The following PLD5 variants were observed in gnomAD, a reference collection of about 807,000 sequenced individuals.
PLD5 encodes phospholipase D family member 5.
In PLD5, 36 loss-of-function variants were observed where a neutral mutation model predicts 61.1. The observed-to-expected ratio is 0.59, with a 90% CI of 0.45 to 0.78. The LOEUF is 0.78. Ranked by LOEUF, PLD5 falls within the 30% of genes least tolerant of loss-of-function variation. The pLI, the probability that PLD5 is intolerant of heterozygous loss-of-function variation, is 0.00. For missense variants in PLD5, 515 were observed against 644.4 expected (o/e 0.80, Z 2.17); for synonymous variants, 243 against 242.8 (o/e 1.00, Z -0.01).
intron 1 of PLD5, among the ~76,000 whole-genome samples, chr1:242,488,125 G>A (rs1668025590): frequency 6.6e-6 from 1 of 152,146 alleles, no homozygotes; most frequent in Non-Finnish European, 1.5e-5. Context: ...TAGTGGGAAT[G>A]CAAAATGGTA....
intron 1 of PLD5, among the ~76,000 whole-genome samples, chr1:242,489,708 G>A (rs181099479): frequency 5.9e-5 from 9 of 152,322 alleles, no homozygotes; most frequent in Admixed American, 1.3e-4. Flanking sequence ...GGACATGGGT[G>A]AGGAATCCTC....
intron 5 of PLD5, among the ~76,000 whole-genome samples, chr1:242,194,001 A>T (rs1170551658): frequency 6.6e-6 from 1 of 152,168 alleles, no homozygotes; most frequent in East Asian, 1.9e-4. Flanking sequence ...AACAAAATAC[A>T]TCTCTTGAAT....
chr1:242,180,378 A>G (rs1667444803), intron 5 of PLD5, among the ~76,000 whole-genome samples: 1 of 152,182 alleles, frequency 6.6e-6, no homozygotes, highest in Non-Finnish European at 1.5e-5. Flanking sequence ...ATATGCATAT[A>G]TATCAATATA....
intron 4 of PLD5, among the ~76,000 whole-genome samples, chr1:242,231,190 C>G (rs1406494677): frequency 6.6e-6 from 1 of 152,180 alleles, no homozygotes; most frequent in Non-Finnish European, 1.5e-5. Flanking sequence ...AGGTTGGTAG[C>G]TGCCGGGGCA....
chr1:242,464,204 A>T (rs1226385400), intron 1 of PLD5, among the ~76,000 whole-genome samples: 2 of 152,026 alleles, frequency 1.3e-5, no homozygotes, highest in Non-Finnish European at 2.9e-5. Context: ...CCAACCTCTT[A>T]ATTTTGGAGT....
chr1:242,278,037 G>A (rs1408324131), intron 3 of PLD5, among the ~76,000 whole-genome samples: 2 of 152,196 alleles, frequency 1.3e-5, no homozygotes, highest in Non-Finnish European at 2.9e-5. Flanking sequence ...ATGAGCCTAT[G>A]TATACAAATT....
chr1:242,483,133 G>C (rs1667840918), intron 1 of PLD5, among the ~76,000 whole-genome samples: 1 of 152,132 alleles, frequency 6.6e-6, no homozygotes, highest in Admixed American at 6.6e-5. Flanking sequence ...ATCAAGGCTA[G>C]GAAGAAACTG....
At chr1:242,436,271 TC>T (rs1200411156) in intron 1 of PLD5, among the ~76,000 whole-genome samples, 4 of 152,168 alleles carry the variant, frequency 2.6e-5, no homozygotes, top group Non-Finnish European at 5.9e-5. Flanking sequence ...TTTTTCATCC[TC>T]TAATCATCTA....
chr1:242,156,177 G>A (rs1005550263), intron 5 of PLD5, among the ~76,000 whole-genome samples: 5 of 148,092 alleles, frequency 3.4e-5, no homozygotes, highest in Non-Finnish European at 5.9e-5. Context: ...TGCAACTCCT[G>A]CTCTTTTTTT....
At chr1:242,318,550 G>A (rs536228433) in intron 2 of PLD5, among the ~76,000 whole-genome samples, 10 of 152,300 alleles carry the variant, frequency 6.6e-5, no homozygotes, top group Admixed American at 3.3e-4. Flanking sequence ...GAACCATCTC[G>A]TACCTTGTGA....
chr1:242,338,562 A>C (rs1171354107), intron 2 of PLD5, among the ~76,000 whole-genome samples: 1 of 152,248 alleles, frequency 6.6e-6, no homozygotes, highest in Non-Finnish European at 1.5e-5. Flanking sequence ...CATTAAAATC[A>C]AAACTTTGAA....
At chr1:242,459,572 G>A (rs1019547215) in intron 1 of PLD5, among the ~76,000 whole-genome samples, 2 of 152,186 alleles carry the variant, frequency 1.3e-5, no homozygotes, top group Non-Finnish European at 2.9e-5. Context: ...AGGGGGAGAC[G>A]TAGGGAGACC....
At chr1:242,184,458 T>C (rs1667745994) in intron 5 of PLD5, among the ~76,000 whole-genome samples, 1 of 152,184 alleles carries the variant, frequency 6.6e-6, no homozygotes. Context: ...GATCTCCACC[T>C]GCTGGGTTCA....
At chr1:242,480,221 T>C (rs754852482) in intron 1 of PLD5, among the ~76,000 whole-genome samples, 1 of 152,188 alleles carries the variant, frequency 6.6e-6, no homozygotes, top group Non-Finnish European at 1.5e-5. Flanking sequence ...CTATGGCCAA[T>C]TGACTTTTTA....
chr1:242,152,157 G>A (rs756173671), intron 5 of PLD5, among the ~76,000 whole-genome samples: 4 of 151,940 alleles, frequency 2.6e-5, no homozygotes, highest in African/African-American at 9.7e-5. Context: ...GGGATAATCC[G>A]TTTTCTTGCC....
At chr1:242,374,083 C>G (rs371706189) in intron 1 of PLD5, among the ~76,000 whole-genome samples, 3 of 152,222 alleles carry the variant, frequency 2.0e-5, no homozygotes, top group East Asian at 3.9e-4. Flanking sequence ...TTACTACGGT[C>G]ACAAGGTGAA....
At chr1:242,194,602 C>A (rs565850356) in intron 5 of PLD5, among the ~76,000 whole-genome samples, 1 of 78,828 alleles carries the variant, frequency 1.3e-5, no homozygotes, top group Non-Finnish European at 2.4e-5. Context: ...ATCTATCTAT[C>A]TATGTATCTA....
intron 8 of PLD5, among the ~76,000 whole-genome samples, chr1:242,104,625 T>G (rs369473071): frequency 1.3e-5 from 2 of 152,194 alleles, no homozygotes; most frequent in African/African-American, 4.8e-5. Context: ...TATGCTTCAG[T>G]TCCCATGTCT....
chr1:242,288,819 A>T (rs1294115839), intron 2 of PLD5, among the ~76,000 whole-genome samples: 4 of 152,194 alleles, frequency 2.6e-5, no homozygotes, highest in Admixed American at 2.6e-4. Context: ...CTGGAAAAAA[A>T]ATTGTGAGCT....
Sources: allele counts gnomAD v4.1 joint callset (sites outside exome capture counted in the v4.1 genomes callset), GRCh38; gene constraint gnomAD v4.1.1; transcripts MANE v1.5; gene names NCBI Gene and HGNC (gene_info 2026-07-23, HGNC 2026-07-21).